Variants in RBM39 observed in about 807,000 individuals in gnomAD.
RBM39 encodes RNA-binding protein 39.
A neutral mutation model predicts 79.6 loss-of-function variants in RBM39; 12 were observed. That is an observed-to-expected ratio of 0.15 (90% CI 0.10 to 0.24). The LOEUF (loss-of-function observed/expected upper bound fraction) is 0.24, where lower values mean the gene tolerates loss of function less well. RBM39 is among the 10% of genes least tolerant of loss of function. The pLI is 1.00. For synonymous variants in RBM39, 185 were observed against 208.4 expected (o/e 0.89, Z 0.97); for missense variants, 243 against 653.4 (o/e 0.37, Z 6.85).
chr20:35,714,155 A>G, intron 11 of RBM39, 30 bp downstream of exon 11: 1 of 1,598,776 alleles, frequency 6.3e-7, no homozygotes, highest in Non-Finnish European at 8.6e-7. Context: ...TACCCACAGT[A>G]AATCATTCGT....
At chr20:35,738,755 G>A (rs770043148) in intron 3 of RBM39, among the ~76,000 whole-genome samples, 5 of 152,182 alleles carry the variant, frequency 3.3e-5, no homozygotes, top group Non-Finnish European at 7.3e-5. Flanking sequence ...ACTTGGAGGG[G>A]AAGGTATCTG....
At chr20:35,721,091 C>G (rs1272827637) in intron 9 of RBM39, among the ~76,000 whole-genome samples, 1 of 152,048 alleles carries the variant, frequency 6.6e-6, no homozygotes. Flanking sequence ...CAGAGACGCA[C>G]CAACACGCCC....
At chr20:35,737,848 CAA>C (rs35300439) in intron 3 of RBM39, among the ~76,000 whole-genome samples, 19 of 40,426 alleles carry the variant, frequency 4.7e-4, no homozygotes, top group East Asian at 1.9e-3. Flanking sequence ...GACTCCGTGT[CAA>C]AAAAAAAAAA....
intron 9 of RBM39, among the ~76,000 whole-genome samples, chr20:35,721,186 C>T (rs1487232494): frequency 6.6e-6 from 1 of 152,152 alleles, no homozygotes; most frequent in Non-Finnish European, 1.5e-5. Flanking sequence ...CCACCTCGGC[C>T]TCCCTCCCAA....
intron 13 of RBM39, 155 bp downstream of exon 13, chr20:35,709,065 TACAG>T (rs1168639677): frequency 2.1e-5 from 11 of 521,254 alleles, no homozygotes; most frequent in East Asian, 6.4e-5. Flanking sequence ...TCTTCTGAAA[TACAG>T]ACAGATTACT....
chr20:35,705,262 C>A lies in RBM39; in HGVS notation c.1376G>T (p.Gly459Val). 6.3e-7 allele frequency: 1 copy of A among 1,574,872 alleles called. No homozygotes were observed. The change falls in exon 15 of 17, where the codon GGA becomes GTA. Residue 459 changes from glycine (G) to valine (V), a missense_variant. By Grantham distance (109) the Gly-to-Val change is moderately radical. Transcript: ENST00000253363. The stretch of plus-strand genomic sequence containing the variant: ...TTTGTCAACATAAATATGAATAACT[C>A]CTCCATGTTTATTACATTCTTCAAT... ...DVIEECNKHG[G>V]VIHIYVDKNS...
At chr20:35,705,009 G>A (rs1465070970) in intron 15 of RBM39, 1 of 588,108 alleles carries the variant, frequency 1.7e-6, no homozygotes, top group Non-Finnish European at 3.0e-6. Flanking sequence ...CAAGCTTTGA[G>A]CATTACTAGA....
intron 14 of RBM39, among the ~76,000 whole-genome samples, chr20:35,706,209 G>A (rs1310024807): frequency 2.6e-5 from 4 of 152,130 alleles, no homozygotes; most frequent in Non-Finnish European, 5.9e-5. Context: ...GTGGTGGTGT[G>A]CACTTGTAAT....
intron 2 of RBM39, 183 bp from the exon 3 acceptor site, chr20:35,739,200 T>C (rs912937701): frequency 2.8e-5 from 18 of 635,884 alleles, no homozygotes; most frequent in East Asian, 1.1e-4. Flanking sequence ...CTTTGTTGCT[T>C]ACATTTAAGT....
Position 35,724,551 on chromosome 20 carries a change from T to G in RBM39, c.687+19A>C, listed in dbSNP as rs1199347599. ...TCAACACCACCAATAATCAAACTCT[T>G]AACCAACAAAAAAATTACCTGTGAT... is the stretch of plus-strand genomic sequence containing the variant. On this transcript the variant is annotated intron_variant, in intron 8 of 16. Transcript: ENST00000253363. 2 of 1,612,400 alleles carry G rather than the reference T, an allele frequency of 1.2e-6. No individual in the cohort carries two copies. The highest frequency in any genetic ancestry group is 1.3e-5 in the African/African-American group (1 of 74,844).
Position 35,702,419 on chromosome 20 carries a change from C to T in RBM39, c.*2062G>A, listed in dbSNP as rs2035327078. On this transcript the variant is annotated 3_prime_UTR_variant, in exon 17 of 17. Transcript: ENST00000253363. ...ACATTTCCTCTGAACATTATTTACACACCAAATTTCACTCTGGTAGCAACT... is the reference window on the plus strand; with the variant it reads ...ACATTTCCTCTGAACATTATTTACATACCAAATTTCACTCTGGTAGCAACT... The T allele has an allele frequency of 6.6e-6, 1 of 152,220 alleles. No individual in the cohort carries two copies. The allele number at this position is 152,220 out of a possible 1,614,324, so 9.4% of individuals were successfully genotyped here. A position where few individuals can be genotyped will look rare whatever the true frequency, so the allele number is the denominator to read the frequency against.
intron 10 of RBM39, among the ~76,000 whole-genome samples, chr20:35,715,762 A>G (rs1263041143): frequency 6.6e-6 from 1 of 152,210 alleles, no homozygotes; most frequent in Admixed American, 6.5e-5. Flanking sequence ...CCCACTGTGG[A>G]AAGTGTGACT....
chr20:35,709,818 T>C (rs992490383), intron 12 of RBM39, among the ~76,000 whole-genome samples: 1 of 152,178 alleles, frequency 6.6e-6, no homozygotes, highest in African/African-American at 2.4e-5. Flanking sequence ...TTAAGGACTT[T>C]TCAAAGATTT....
chr20:35,707,050 AAG>A (rs2035832194), intron 14 of RBM39, 68 bp downstream of exon 14: 11 of 701,046 alleles, frequency 1.6e-5, no homozygotes, highest in Admixed American at 1.1e-4. Context: ...AAAAAAAAAA[AAG>A]AGAAATATAT....
chr20:35,727,175 G>C (rs1004737884), intron 6 of RBM39, among the ~76,000 whole-genome samples: 1 of 145,994 alleles, frequency 6.8e-6, no homozygotes, highest in Non-Finnish European at 1.5e-5. Context: ...GCAAAACCTT[G>C]TCTCTACAAA....
intron 3 of RBM39, chr20:35,736,559 T>C (rs1286163912): frequency 2.8e-5 from 13 of 470,614 alleles, no homozygotes; most frequent in Admixed American, 4.7e-5. Flanking sequence ...CTATGAAGCA[T>C]TTAGGGATCT....
intron 3 of RBM39, among the ~76,000 whole-genome samples, chr20:35,737,383 C>G (rs1210547999): frequency 7.6e-6 from 1 of 131,652 alleles, no homozygotes; most frequent in Non-Finnish European, 1.6e-5. Context: ...GACTGAAACT[C>G]CATCTCAAAA....
At chr20:35,728,215 T>A (rs945424776) in intron 6 of RBM39, among the ~76,000 whole-genome samples, 3 of 150,750 alleles carry the variant, frequency 2.0e-5, no homozygotes, top group African/African-American at 7.4e-5. Context: ...TAGTAAAACT[T>A]ACTGTTACAA....
intron 13 of RBM39, chr20:35,708,007 G>A (rs1050783565): frequency 3.3e-5 from 13 of 399,352 alleles, no homozygotes; most frequent in South Asian, 2.4e-4. Context: ...GGATAAAACA[G>A]TGCATTAGAA....
Sources: allele counts gnomAD v4.1 joint callset (sites outside exome capture counted in the v4.1 genomes callset), GRCh38; gene constraint gnomAD v4.1.1; transcripts MANE v1.5; gene names NCBI Gene and HGNC (gene_info 2026-07-23, HGNC 2026-07-21).